Variants in TRPV5 observed in about 807,000 individuals in gnomAD.
TRPV5 encodes calcium transport protein 2.
TRPV5 carries 66 observed loss-of-function variants against 74.1 expected under a neutral mutation model. That is an observed-to-expected ratio of 0.89 (90% CI 0.73 to 1.09). The LOEUF (loss-of-function observed/expected upper bound fraction) is 1.09, where lower values mean the gene tolerates loss of function less well. Ranked by LOEUF, TRPV5 falls within the 50% of genes least tolerant of loss-of-function variation. The pLI is 0.00. For missense variants in TRPV5, 936 were observed against 930.4 expected (o/e 1.01, Z -0.08); for synonymous variants, 399 against 360.7 (o/e 1.11, Z -1.20).
chr7:142,913,509 T>G (rs1401450111), intron 12 of TRPV5, among the ~76,000 whole-genome samples: 2 of 152,204 alleles, frequency 1.3e-5, no homozygotes, highest in Non-Finnish European at 2.9e-5. Context: ...AGAAAGCCAC[T>G]CTGGGACCAT....
At chr7:142,928,924 C>T in intron 5 of TRPV5, 58 bp from the exon 6 acceptor site, 1 of 1,611,756 alleles carries the variant, frequency 6.2e-7, no homozygotes, top group Non-Finnish European at 8.5e-7. Context: ...ATGTCCCCAT[C>T]CCCACTCTGG....
At chr7:142,927,010 T>C (rs1795999901) in intron 7 of TRPV5, among the ~76,000 whole-genome samples, 1 of 152,184 alleles carries the variant, frequency 6.6e-6, no homozygotes, top group Non-Finnish European at 1.5e-5. Context: ...CCTGGAAGTC[T>C]TTTCTCCTCT....
intron 1 of TRPV5, among the ~76,000 whole-genome samples, chr7:142,932,584 G>A (rs1240650220): frequency 6.6e-6 from 1 of 152,160 alleles, no homozygotes. Context: ...GCAGCTGTTG[G>A]GTGGGAGGCA....
intron 13 of TRPV5, 54 bp downstream of exon 13, chr7:142,912,428 T>C: frequency 6.4e-7 from 1 of 1,569,320 alleles, no homozygotes; most frequent in Non-Finnish European, 8.6e-7. Context: ...TTTTCCACTT[T>C]GATTTTTCTC....
chr7:142,915,622 T>C (rs1795783600), intron 8 of TRPV5, 54 bp from the exon 9 acceptor site: 4 of 1,579,856 alleles, frequency 2.5e-6, no homozygotes, highest in Non-Finnish European at 3.5e-6. Context: ...TCAAATCCTT[T>C]TGTGCAAATG....
chr7:142,914,692 GTC>G lies in TRPV5; in HGVS notation c.1465_1466del (p.Asp489ProfsTer36). On this transcript the variant is annotated frameshift_variant, in exon 12 of 15. Coordinates refer to ENST00000265310, the MANE Select transcript of TRPV5 (RefSeq NM_019841.7). LOFTEE classifies it high-confidence loss of function. ...TIMIQKMIFG[D>X]LMRFCWLMAV... ...CCATCAGCCAGCAGAAACGCATTAG[GTC>G]TCCAAAAATCATCTGCAGGAAACAG... 1.2e-6 allele frequency: 2 copies of G among 1,613,776 alleles called. No homozygotes were observed. The highest frequency in any genetic ancestry group is 1.7e-6 in the Non-Finnish European group (2 of 1,179,890).
At chr7:142,921,716 C>T (rs981407353) in intron 8 of TRPV5, among the ~76,000 whole-genome samples, 1 of 152,130 alleles carries the variant, frequency 6.6e-6, no homozygotes, top group African/African-American at 2.4e-5. Flanking sequence ...TGTACATCCC[C>T]CTGTTTAAAA....
intron 10 of TRPV5, 71 bp downstream of exon 10, chr7:142,915,236 A>C (rs963235537): frequency 9.5e-6 from 15 of 1,581,314 alleles, no homozygotes; most frequent in Non-Finnish European, 8.6e-6. Context: ...CCTAGAACTC[A>C]GAGAGTGAGC....
Position 142,925,547 on chromosome 7 carries a change from G to C in TRPV5, c.1104C>G (p.Leu368=), listed in dbSNP as rs779321635. The part of the protein sequence containing the change: ...NRTHSRDITI[L]QQKLLQEAYE... ...GAATCACCTGTAGTAGTTTTTGCTG[G>C]AGGATGGTGATGTCTCGAGAATGAG... The change falls in exon 8 of 15, where the codon CTC becomes CTG. Residue 368 remains leucine, a synonymous_variant. Coordinates refer to ENST00000265310, the MANE Select transcript of TRPV5 (RefSeq NM_019841.7). 1 of 1,614,146 alleles carries C rather than the reference G, an allele frequency of 6.2e-7. No individual in the cohort carries two copies. Among genetic ancestry groups the C allele is most frequent in the South Asian group, 1.1e-5 (1 of 91,078 alleles).
At position 142,912,710 on chromosome 7, in the gene TRPV5, C is replaced by T; in HGVS notation, c.1560G>A (p.Leu520=). Reference sequence around the variant, plus strand: ...CCATGGGGTAGTCATAGAATTGCCCCAGACTGGTTGGGTCCTCTGTCTGGA... The same window carrying T: ...CCATGGGGTAGTCATAGAATTGCCCTAGACTGGTTGGGTCCTCTGTCTGGA... ...IIFQTEDPTS[L]GQFYDYPMAL... is the part of the protein sequence containing the mutation. The change falls in exon 13 of 15, where the codon CTG becomes CTA. Residue 520 remains leucine (L), a synonymous_variant. Transcript: ENST00000265310. The T allele has an allele frequency of 6.2e-7, 1 of 1,614,200 alleles. No homozygotes were observed. The highest frequency in any genetic ancestry group is 8.5e-7 in the Non-Finnish European group (1 of 1,180,032).
chr7:142,923,057 A>C (rs1187035218), intron 8 of TRPV5, among the ~76,000 whole-genome samples: 3 of 152,202 alleles, frequency 2.0e-5, no homozygotes, highest in Non-Finnish European at 4.4e-5. Context: ...GCCAGATATT[A>C]AACTAGAAAG....
intron 8 of TRPV5, among the ~76,000 whole-genome samples, chr7:142,919,079 C>T (rs1415361095): frequency 6.6e-6 from 1 of 152,172 alleles, no homozygotes; most frequent in Non-Finnish European, 1.5e-5. Flanking sequence ...CTGGCTCACC[C>T]TCACCGATGC....
At position 142,929,539 on chromosome 7, in the gene TRPV5, C is replaced by T. The variant is rs1267852402; in HGVS notation, c.376G>A (p.Val126Met). 3 of 1,614,158 alleles carry T rather than the reference C, an allele frequency of 1.9e-6. No individual in the cohort carries two copies. Among genetic ancestry groups the T allele is most frequent in the Non-Finnish European group, 1.7e-6 (2 of 1,179,998 alleles). The change falls in exon 4 of 15, where the codon GTG becomes ATG. Residue 126 changes from valine to methionine, a missense_variant. Coordinates refer to ENST00000265310, the MANE Select transcript of TRPV5 (RefSeq NM_019841.7). ...AGQTALHIAV[V>M]NQNVNLVRAL... ...CGCACCAGGTTCACATTCTGGTTCA[C>T]AACAGCGATGTGCAGTGCAGTCTGA...
At chr7:142,930,203 T>C (rs1796063128) in intron 2 of TRPV5, 23 bp from the exon 3 acceptor site, 1 of 1,609,150 alleles carries the variant, frequency 6.2e-7, no homozygotes, top group Non-Finnish European at 8.5e-7. Context: ...AAGACAGAGA[T>C]GTTAGACACT....
At chr7:142,909,621 A>G in intron 13 of TRPV5, 25 bp from the exon 14 acceptor site, 1 of 1,609,762 alleles carries the variant, frequency 6.2e-7, no homozygotes, top group East Asian at 2.2e-5. Context: ...GAGATACAGG[A>G]AGAACTCTGA....
rs4252399 is a variant in TRPV5, at chr7:142,930,513, A to G, written c.129-67T>C. 2.2e-5 allele frequency: 26 copies of G among 1,172,962 alleles called. No homozygotes were observed. In the African/African-American group the frequency reaches 3.5e-4, roughly 16 times the overall value. The allele number at this position is 1,172,962 out of a possible 1,614,324, so 72.7% of individuals were successfully genotyped here. A position where few individuals can be genotyped will look rare whatever the true frequency, so the allele number is the denominator to read the frequency against. On this transcript the variant is annotated intron_variant, in intron 1 of 14. Transcript: ENST00000265310. ...CAGAATGAGGCCAAGAGCAAAGGGG[A>G]TCTAAGACATTCTTTAAGACCAACG...
In TRPV5 at chr7:142,930,397, C is replaced by T. The variant is rs775564529; in HGVS notation, c.178G>A (p.Val60Ile). The change falls in exon 2 of 15, where the codon GTT becomes ATT. Residue 60 changes from valine to isoleucine, a missense_variant. Coordinates refer to ENST00000265310, the MANE Select transcript of TRPV5 (RefSeq NM_019841.7). Reference sequence around the variant, plus strand: ...CAGTCCAGTAGAAGTTGCCTAAGAACAGACAGGTCATTTTCCTTGGATGCT... The same window carrying T: ...CAGTCCAGTAGAAGTTGCCTAAGAATAGACAGGTCATTTTCCTTGGATGCT... ...LRASKENDLS[V>I]LRQLLLDCTC... 1.2e-6 allele frequency: 2 copies of T among 1,614,156 alleles called. 1 individual carries two copies. The highest frequency in any genetic ancestry group is 2.2e-5 in the South Asian group (2 of 91,084).
intron 12 of TRPV5, among the ~76,000 whole-genome samples, chr7:142,914,414 C>T (rs1357220226): frequency 1.3e-5 from 2 of 152,112 alleles, no homozygotes; most frequent in Non-Finnish European, 2.9e-5. Context: ...ATCTTATTGG[C>T]CCTGAACACA....
Position 142,908,392 on chromosome 7 carries a change from C to T in TRPV5, c.*122G>A, listed in dbSNP as rs2116568941. Reference sequence around the variant, plus strand: ...GAGGCATGACCCTTTAGGGATTGTTCTGTCTCACCCTCCCATGATTAACAG... The same window carrying T: ...GAGGCATGACCCTTTAGGGATTGTTTTGTCTCACCCTCCCATGATTAACAG... On this transcript the variant is annotated 3_prime_UTR_variant, in exon 15 of 15. Coordinates refer to ENST00000265310, the MANE Select transcript of TRPV5 (RefSeq NM_019841.7). 1.9e-5 allele frequency: 21 copies of T among 1,101,826 alleles called. 1 individual carries two copies. In the South Asian group the frequency reaches 3.1e-4, roughly 16 times the overall value. The allele number at this position is 1,101,826 out of a possible 1,614,324, so 68.3% of individuals were successfully genotyped here. A position where few individuals can be genotyped will look rare whatever the true frequency, so the allele number is the denominator to read the frequency against.
Sources: allele counts gnomAD v4.1 joint callset (sites outside exome capture counted in the v4.1 genomes callset), GRCh38; gene constraint gnomAD v4.1.1; transcripts MANE v1.5; gene names NCBI Gene and HGNC (gene_info 2026-07-23, HGNC 2026-07-21).